CRNKL1: variants seen among roughly 807,000 people sequenced by gnomAD.
CRNKL1 encodes the protein crooked neck pre-mRNA splicing factor 1, also known as crooked neck-like protein 1.
In CRNKL1, 35 loss-of-function variants were observed where a neutral mutation model predicts 103.7. The ratio of observed to expected loss-of-function variants is 0.34; its 90% CI spans 0.26 to 0.45. The LOEUF is 0.45. Among genes scored for constraint, CRNKL1 ranks in the 20% least tolerant of loss-of-function variants. The probability of loss-of-function intolerance (pLI) is 1.00; values close to 1 mark genes in which losing one functional copy is unlikely to be tolerated. For synonymous variants in CRNKL1, 267 were observed against 282.6 expected (o/e 0.94, Z 0.55); for missense variants, 645 against 836.0 (o/e 0.77, Z 2.82).
Position 20,035,565 on chromosome 20 carries a change from A to G in CRNKL1, c.*630T>C, listed in dbSNP as rs867581774. On this transcript the variant is annotated 3_prime_UTR_variant, in exon 14 of 14. Transcript: ENST00000536226. ...AAATTATTTTCCAAGTGTTGTTCTA[A>G]AAAACAATATAACTGGACACTAGTA... 1 of 152,118 alleles carries G rather than the reference A, an allele frequency of 6.6e-6. No homozygotes were observed. Among genetic ancestry groups the G allele is most frequent in the Non-Finnish European group, 1.5e-5 (1 of 68,034 alleles). 9.4% of individuals were successfully genotyped at this position (152,118 alleles called of 1,614,324 possible).
chr20:20,042,123 G>T (rs1435409822), intron 8 of CRNKL1, among the ~76,000 whole-genome samples: 1 of 152,132 alleles, frequency 6.6e-6, no homozygotes, highest in Non-Finnish European at 1.5e-5. Context: ...AGTTAAAAAA[G>T]CCCCTCACGT....
Position 20,038,643 on chromosome 20 carries a change from G to T in CRNKL1, c.1546-193C>A, listed in dbSNP as rs1159718477. On this transcript the variant is annotated intron_variant, in intron 11 of 13. Coordinates refer to ENST00000536226, the MANE Select transcript of CRNKL1 (RefSeq NM_001278628.2). ...TGGCCAAAACTTGGCTAGAATTCCA[G>T]ATTACAGAAAAAGGGCCTTGGATTC... 4 of 450,580 alleles carry T rather than the reference G, an allele frequency of 8.9e-6. No homozygotes were observed. The East Asian group carries it at 1.5e-4, about 17-fold the overall frequency. 27.9% of individuals were successfully genotyped at this position (450,580 alleles called of 1,614,324 possible).
At chr20:20,050,811 G>T (rs1327802447) in intron 1 of CRNKL1, among the ~76,000 whole-genome samples, 189 bp from the exon 2 acceptor site, 1 of 152,042 alleles carries the variant, frequency 6.6e-6, no homozygotes, top group Non-Finnish European at 1.5e-5. Flanking sequence ...CTTATTCATA[G>T]TATCTACTGC....
Position 20,050,509 on chromosome 20 carries a change from A to G in CRNKL1, c.165T>C (p.Asp55=), listed in dbSNP as rs1291634559. The G allele has an allele frequency of 6.2e-7, 1 of 1,613,810 alleles. No individual in the cohort carries two copies. The highest frequency in any genetic ancestry group is 8.5e-7 in the Non-Finnish European group (1 of 1,179,864). ...LPPPPQQKIT[D]EEELNDYKLR... is the part of the protein sequence containing the mutation. The stretch of plus-strand genomic sequence containing the variant: ...GTTTATAATCATTTAATTCTTCTTC[A>G]TCTGTGATCTTCTGTTGAGGTGGAG... The change falls in exon 2 of 14, where the codon GAT becomes GAC. Residue 55 remains aspartate (D), a synonymous_variant. Coordinates refer to ENST00000536226, the MANE Select transcript of CRNKL1 (RefSeq NM_001278628.2).
At chr20:20,039,977 T>A in intron 10 of CRNKL1, 129 bp from the exon 11 acceptor site, 1 of 916,696 alleles carries the variant, frequency 1.1e-6, no homozygotes, top group Non-Finnish European at 1.6e-6. Flanking sequence ...TACCATTCTT[T>A]CCCTCTGTGG....
chr20:20,055,622 T>C (rs555035319), upstream of CRNKL1, among the ~76,000 whole-genome samples: 21 of 152,372 alleles, frequency 1.4e-4, no homozygotes, highest in South Asian at 2.1e-3. Flanking sequence ...AAGTCAGTTA[T>C]CTAATTAATT....
chr20:20,041,280 A>G (rs2043510162), intron 9 of CRNKL1, among the ~76,000 whole-genome samples: 1 of 152,216 alleles, frequency 6.6e-6, no homozygotes, highest in South Asian at 2.1e-4. Flanking sequence ...TGTCCCCCGC[A>G]CACGTTGTGT....
chr20:20,046,043 A>G (rs1470310418), intron 5 of CRNKL1, among the ~76,000 whole-genome samples: 1 of 151,930 alleles, frequency 6.6e-6, no homozygotes, highest in East Asian at 1.9e-4. Flanking sequence ...ACTGTTAACT[A>G]GAGTCAAAGC....
At chr20:20,039,952 A>G (rs2043485751) in intron 10 of CRNKL1, 104 bp from the exon 11 acceptor site, 4 of 1,191,404 alleles carry the variant, frequency 3.4e-6, no homozygotes, top group Middle Eastern at 2.9e-4. Context: ...AGAATCTTGC[A>G]AAGTCAACAT....
rs2043384950 is a variant in CRNKL1 at position 20,034,437 on chromosome 20, TCTC to T, written c.*1755_*1757del. 6.6e-6 allele frequency: 1 copy of T among 152,224 alleles called. No homozygotes were observed. The highest frequency in any genetic ancestry group is 1.5e-5 in the Non-Finnish European group (1 of 68,046). The allele number at this position is 152,224 out of a possible 1,614,324, so 9.4% of individuals were successfully genotyped here. ...GTGGGAGAGAAATGAATCTTTATGT[TCTC>T]CTGTTAGAGAATAGCTTTTTTCCTT... On this transcript the variant is annotated 3_prime_UTR_variant, in exon 14 of 14. Transcript: ENST00000536226.
At chr20:20,039,127 C>G (rs560726064) in intron 11 of CRNKL1, among the ~76,000 whole-genome samples, 1 of 152,210 alleles carries the variant, frequency 6.6e-6, no homozygotes, top group Non-Finnish European at 1.5e-5. Flanking sequence ...CAAATCTTTC[C>G]TAGCTGTGGT....
At chr20:20,052,505 G>A (rs550890942), upstream of CRNKL1, 280 of 1,614,270 alleles carry the variant, frequency 1.7e-4, 3 homozygotes, top group South Asian at 1.9e-3. Context: ...GAGCCGTGAC[G>A]GAGGCGGCAC....
At chr20:20,041,277 C>T (rs1455804439) in intron 9 of CRNKL1, among the ~76,000 whole-genome samples, 9 of 152,238 alleles carry the variant, frequency 5.9e-5, no homozygotes, top group Admixed American at 4.6e-4. Flanking sequence ...GTGTGTCCCC[C>T]GCACACGTTG....
chr20:20,040,345 GAAAA>G (rs1243391748), intron 10 of CRNKL1, among the ~76,000 whole-genome samples: 1 of 142,056 alleles, frequency 7.0e-6, no homozygotes, highest in East Asian at 2.1e-4. Context: ...AAAAAAAAAA[GAAAA>G]AAAAAGTGGA....
chr20:20,054,151 A>G (rs980452569), upstream of CRNKL1, among the ~76,000 whole-genome samples: 9 of 145,568 alleles, frequency 6.2e-5, no homozygotes, highest in Non-Finnish European at 1.2e-4. Flanking sequence ...TTCTGATTTT[A>G]TTCTTCTCAG....
In CRNKL1 at chr20:20,045,400, C is replaced by T. The variant is rs1053739196; in HGVS notation, c.709G>A (p.Val237Met). 5 of 1,613,680 alleles carry T rather than the reference C, an allele frequency of 3.1e-6. No homozygotes were observed. Among genetic ancestry groups the T allele is most frequent in the Non-Finnish European group, 3.4e-6 (4 of 1,179,958 alleles). The change falls in exon 6 of 14, where the codon GTG becomes ATG. Residue 237 changes from valine (V) to methionine (M), a missense_variant. By Grantham distance (21) the Val-to-Met change is conservative (BLOSUM62 1). Around this residue, in one of 2 missense-constraint regions of CRNKL1, gnomAD observed 582 missense variants for 707.7 expected, o/e 0.82. Coordinates refer to ENST00000536226, the MANE Select transcript of CRNKL1 (RefSeq NM_001278628.2). ...AAGAATTCCACAGCTCTCTCATACACTTTCCGTGCATGGGCAAAATAAGCA... is the reference window on the plus strand; with the variant it reads ...AAGAATTCCACAGCTCTCTCATACATTTTCCGTGCATGGGCAAAATAAGCA... ...KHAYFAHARK[V>M]YERAVEFFGD... is the part of the protein sequence containing the mutation.
At chr20:20,039,380 G>C (rs2043474803) in intron 11 of CRNKL1, among the ~76,000 whole-genome samples, 1 of 152,092 alleles carries the variant, frequency 6.6e-6, no homozygotes, top group Admixed American at 6.5e-5. Context: ...TGATATCCCA[G>C]TTCATCCTGG....
rs188266043 is a variant in CRNKL1 at position 20,052,401 on chromosome 20, T to A, written c.-59A>T. On this transcript the variant is annotated 5_prime_UTR_variant, in exon 1 of 14. Transcript: ENST00000536226. ...CGGCACGGACGCTAGAAATCGGCTC[T>A]GAGAGCTCACCGAAACCACAAAGCT... The A allele has an allele frequency of 3.1e-6, 5 of 1,614,210 alleles. No individual in the cohort carries two copies. In the South Asian group the frequency reaches 5.5e-5, roughly 18 times the overall value.
Position 20,052,442 on chromosome 20 carries a change from G to C in CRNKL1, c.-100C>G, listed in dbSNP as rs779648844. On this transcript the variant is annotated 5_prime_UTR_variant, in exon 1 of 14. Coordinates refer to ENST00000536226, the MANE Select transcript of CRNKL1 (RefSeq NM_001278628.2). ...CCACAAAGCTTTCAGAAAACAAACA[G>C]GATCTCGGAACCGGAAGCGGAACTT... 5 of 1,614,132 alleles carry C rather than the reference G, an allele frequency of 3.1e-6. No homozygotes were observed. The highest frequency in any genetic ancestry group is 3.3e-5 in the Admixed American group (2 of 60,010).
Sources: allele counts gnomAD v4.1 joint callset (sites outside exome capture counted in the v4.1 genomes callset), GRCh38; gene constraint gnomAD v4.1.1; regional missense constraint gnomAD v4.1.1; transcripts MANE v1.5; gene names NCBI Gene and HGNC (gene_info 2026-07-23, HGNC 2026-07-21).